Variants in CAMTA1 observed in about 807,000 individuals in gnomAD.
CAMTA1 encodes the protein calmodulin-binding transcription activator 1.
Under a neutral mutation model 170.9 loss-of-function variants are expected in CAMTA1, and 27 were observed. The ratio of observed to expected loss-of-function variants is 0.16; its 90% CI spans 0.12 to 0.22. The LOEUF (loss-of-function observed/expected upper bound fraction) is 0.22, where lower values mean the gene tolerates loss of function less well. Ranked by LOEUF, CAMTA1 falls within the 10% of genes least tolerant of loss-of-function variation. The pLI is 1.00. For missense variants in CAMTA1, 1,619 were observed against 2,217.2 expected, an observed-to-expected ratio of 0.73 and a Z score of 5.42; for synonymous variants, 833 against 891.5, an observed-to-expected ratio of 0.93 and a Z score of 1.17.
At position 7,664,325 on chromosome 1, in the gene CAMTA1, AGGACTACACGTC is replaced by A; in HGVS notation, c.1779_1790del (p.Lys593_Ser597delinsAsn). 6.2e-7 allele frequency: 1 copy of A among 1,613,484 alleles called. No homozygotes were observed. Among genetic ancestry groups the A allele is most frequent in the Non-Finnish European group, 8.5e-7 (1 of 1,180,006 alleles). ...GACTTCAGCGCCATCGACTCCAACA[AGGACTACACGTC>A]CAGCTTCAGCCAGACGGGCCACAGC... On this transcript the variant is annotated inframe_deletion, in exon 9 of 23. Transcript: ENST00000303635.
intron 4 of CAMTA1, among the ~76,000 whole-genome samples, chr1:7,107,700 C>T (rs2148342456): frequency 6.6e-6 from 1 of 152,268 alleles, no homozygotes; most frequent in East Asian, 1.9e-4. Flanking sequence ...AGCTGTCTCT[C>T]CCAGATCTGC....
chr1:7,574,232 A>G (rs970132719), intron 6 of CAMTA1, among the ~76,000 whole-genome samples: 1 of 150,224 alleles, frequency 6.7e-6, no homozygotes, highest in Non-Finnish European at 1.5e-5. Context: ...AAGGGCTGGG[A>G]GCTGGGAGCT....
chr1:7,569,488 C>A (rs1355545895), intron 6 of CAMTA1, among the ~76,000 whole-genome samples: 1 of 151,470 alleles, frequency 6.6e-6, no homozygotes, highest in Non-Finnish European at 1.5e-5. Flanking sequence ...ATCATGATCA[C>A]TATCACCATC....
intron 11 of CAMTA1, among the ~76,000 whole-genome samples, chr1:7,708,798 G>T (rs1333123541): frequency 1.3e-5 from 2 of 152,102 alleles, no homozygotes; most frequent in African/African-American, 2.4e-5. Flanking sequence ...AGTTTAATGA[G>T]GGTAAATGTT....
chr1:7,263,341 A>T (rs1037858223), intron 5 of CAMTA1, among the ~76,000 whole-genome samples: 1 of 152,220 alleles, frequency 6.6e-6, no homozygotes, highest in Non-Finnish European at 1.5e-5. Context: ...ACTGAATTAT[A>T]ACAAAACCAG....
chr1:7,445,292 A>G (rs2092652023), intron 5 of CAMTA1, among the ~76,000 whole-genome samples: 1 of 151,716 alleles, frequency 6.6e-6, no homozygotes, highest in South Asian at 2.1e-4. Context: ...TTCTGGAATG[A>G]TCCAAGCAGA....
At chr1:7,747,876 C>T (rs2096867433) in intron 19 of CAMTA1, 95 bp downstream of exon 19, 1 of 650,630 alleles carries the variant, frequency 1.5e-6, no homozygotes, top group Non-Finnish European at 2.7e-6. Context: ...TCTAGTACCT[C>T]ATTACAGAGA....
intron 4 of CAMTA1, among the ~76,000 whole-genome samples, chr1:7,213,958 A>G (rs1324913173): frequency 6.6e-5 from 10 of 152,192 alleles, no homozygotes; most frequent in African/African-American, 2.2e-4. Context: ...TTATGGCTGC[A>G]TAGTATTCCA....
rs2087207050 is a variant in CAMTA1 at position 7,380,496 on chromosome 1, C to T, written c.439-87334C>T. On this transcript the variant is annotated intron_variant, in intron 5 of 22. Coordinates refer to ENST00000303635, the MANE Select transcript of CAMTA1 (RefSeq NM_015215.4). ...GGCTGAGGCAGGAGAACTGCTTGAA[C>T]CCAGGACATGGCGGTTGCAGTGAGC... 2.0e-5 allele frequency among the ~76,000 whole-genome samples: 3 copies of T among 152,238 alleles called. 1 individual carries two copies. The highest frequency in any genetic ancestry group is 2.0e-4 in the Admixed American group (3 of 15,280).
intron 3 of CAMTA1, among the ~76,000 whole-genome samples, chr1:7,077,959 G>T (rs527947301): frequency 6.6e-6 from 1 of 152,120 alleles, no homozygotes; most frequent in East Asian, 1.9e-4. Context: ...CATTGTGGGT[G>T]GGGTTATTTA....
At chr1:7,016,306 A>G (rs774545123) in intron 3 of CAMTA1, among the ~76,000 whole-genome samples, 55 of 152,046 alleles carry the variant, frequency 3.6e-4, no homozygotes, top group Non-Finnish European at 5.9e-4. Flanking sequence ...CTCTTGGTGA[A>G]TTTTGCCTCA....
chr1:7,149,665 G>C (rs17030379), intron 4 of CAMTA1, among the ~76,000 whole-genome samples: 1 of 152,128 alleles, frequency 6.6e-6, no homozygotes, highest in Non-Finnish European at 1.5e-5. Context: ...AACAGGAAAC[G>C]AGCCACTGGG....
chr1:7,730,926 C>A (rs868506501), intron 11 of CAMTA1, among the ~76,000 whole-genome samples: 7 of 130,670 alleles, frequency 5.4e-5, no homozygotes, highest in African/African-American at 1.7e-4. Context: ...CTCTCTCTCT[C>A]TCTATATATA....
chr1:7,002,730 T>C (rs1698415549), intron 3 of CAMTA1, among the ~76,000 whole-genome samples: 1 of 152,224 alleles, frequency 6.6e-6, no homozygotes, highest in South Asian at 2.1e-4. Flanking sequence ...TCATCAAATT[T>C]ACAGGGATAA....
In CAMTA1 at chr1:6,789,954, C is replaced by T. The variant is rs375672586; in HGVS notation, c.45+4379C>T. Among the ~76,000 whole-genome samples, 71 of 151,852 alleles carry T rather than the reference C, an allele frequency of 4.7e-4. 1 individual carries two copies. Among genetic ancestry groups the T allele is most frequent in the African/African-American group, 1.5e-3 (63 of 41,430 alleles). On this transcript the variant is annotated intron_variant, in intron 1 of 22. Coordinates refer to ENST00000303635, the MANE Select transcript of CAMTA1 (RefSeq NM_015215.4). ...CCTCCCAAGTAGCTGGGATTACAGG[C>T]GTGCACCACCATGTCCGGCTAATTT...
At chr1:7,433,325 G>T (rs1249618814) in intron 5 of CAMTA1, among the ~76,000 whole-genome samples, 3 of 152,230 alleles carry the variant, frequency 2.0e-5, no homozygotes, top group Non-Finnish European at 4.4e-5. Context: ...GGTGGCCACA[G>T]CTGTGTGACT....
At chr1:7,262,578 A>G (rs1668340453) in intron 5 of CAMTA1, among the ~76,000 whole-genome samples, 1 of 152,160 alleles carries the variant, frequency 6.6e-6, no homozygotes, top group Non-Finnish European at 1.5e-5. Flanking sequence ...AAAGTCTTAA[A>G]TTATAGCTTC....
chr1:7,734,744 A>G (rs2096758727), intron 12 of CAMTA1, among the ~76,000 whole-genome samples: 1 of 151,968 alleles, frequency 6.6e-6, no homozygotes, highest in South Asian at 2.1e-4. Context: ...TGCCTTTTTT[A>G]TTTTGGGAGG....
intron 6 of CAMTA1, among the ~76,000 whole-genome samples, chr1:7,498,380 TG>T (rs2093876647): frequency 2.7e-5 from 4 of 147,282 alleles, no homozygotes; most frequent in Non-Finnish European, 3.0e-5. Flanking sequence ...TGTGTATGAG[TG>T]GATGTGTGTG....
Sources: allele counts gnomAD v4.1 joint callset (sites outside exome capture counted in the v4.1 genomes callset), GRCh38; gene constraint gnomAD v4.1.1; transcripts MANE v1.5; gene names NCBI Gene and HGNC (gene_info 2026-07-23, HGNC 2026-07-21).